Variants in GTF2F2 observed in about 807,000 individuals in gnomAD.
The protein encoded by GTF2F2 is general transcription factor IIF subunit 2, also known as ATP-dependent helicase GTF2F2.
In GTF2F2, 23 loss-of-function variants were observed where a neutral mutation model predicts 42.2. The observed-to-expected ratio is 0.55, with a 90% CI of 0.39 to 0.77. GTF2F2 has a LOEUF of 0.77. Among genes scored for constraint, GTF2F2 ranks in the 30% least tolerant of loss-of-function variants. The probability of loss-of-function intolerance (pLI) is 0.00; values close to 1 mark genes in which losing one functional copy is unlikely to be tolerated. For missense variants in GTF2F2, 261 were observed against 287.2 expected, an observed-to-expected ratio of 0.91 and a Z score of 0.66; for synonymous variants, 105 against 100.8, an observed-to-expected ratio of 1.04 and a Z score of -0.25.
At chr13:45,223,573 A>G (rs927024023) in intron 5 of GTF2F2, among the ~76,000 whole-genome samples, 2 of 152,176 alleles carry the variant, frequency 1.3e-5, no homozygotes, top group Admixed American at 6.6e-5. Context: ...TTATACTTCT[A>G]TTTGTGTTAT....
chr13:45,245,185 T>G (rs1875522571), intron 5 of GTF2F2, among the ~76,000 whole-genome samples: 1 of 152,212 alleles, frequency 6.6e-6, no homozygotes, highest in Admixed American at 6.5e-5. Flanking sequence ...AATTTTCAAG[T>G]AAAATGTGGT....
At chr13:45,145,901 C>G (rs1179251231) in intron 2 of GTF2F2, among the ~76,000 whole-genome samples, 1 of 152,292 alleles carries the variant, frequency 6.6e-6, no homozygotes, top group South Asian at 2.1e-4. Context: ...ATAGGAATGC[C>G]TCCTTACCCC....
intron 5 of GTF2F2, among the ~76,000 whole-genome samples, chr13:45,217,229 T>C (rs1047307992): frequency 7.1e-6 from 1 of 141,090 alleles, no homozygotes; most frequent in African/African-American, 2.7e-5. Context: ...ACCTGGGAGG[T>C]GGAGGTTACA....
At chr13:45,219,739 T>C (rs935673701) in intron 5 of GTF2F2, 1 of 152,200 alleles carries the variant, frequency 6.6e-6, no homozygotes, top group Non-Finnish European at 1.5e-5. Flanking sequence ...TTTGAAGATC[T>C]GCTAATCTAT....
At chr13:45,228,143 C>T (rs888352444) in intron 5 of GTF2F2, among the ~76,000 whole-genome samples, 7 of 147,214 alleles carry the variant, frequency 4.8e-5, no homozygotes, top group East Asian at 2.1e-4. Flanking sequence ...GGCATTTGTC[C>T]GCTTACCATG....
At position 45,280,306 on chromosome 13, in the gene GTF2F2, A is replaced by G. The variant is rs115737161; in HGVS notation, c.631-3136A>G. Among the ~76,000 whole-genome samples, 412 of 152,324 alleles carry G rather than the reference A, an allele frequency of 2.7e-3. 1 individual carries two copies. The highest frequency in any genetic ancestry group is 9.3e-3 in the African/African-American group (386 of 41,570). On this transcript the variant is annotated intron_variant, in intron 7 of 7. Transcript: ENST00000340473. ...GCCCAAACGGGGAAGTCATTAGAAT[A>G]TTTTAGACAGAGGAAGGACATGTGC...
intron 7 of GTF2F2, among the ~76,000 whole-genome samples, chr13:45,277,529 C>T (rs1026365855): frequency 1.3e-5 from 2 of 152,194 alleles, no homozygotes; most frequent in Non-Finnish European, 2.9e-5. Context: ...GCCTCACCTC[C>T]AACACTGGGG....
chr13:45,227,914 C>T (rs1342803103), intron 5 of GTF2F2, among the ~76,000 whole-genome samples: 1 of 152,082 alleles, frequency 6.6e-6, no homozygotes, highest in East Asian at 1.9e-4. Flanking sequence ...ATGAGTTTGC[C>T]ATACAAAGAA....
intron 4 of GTF2F2, among the ~76,000 whole-genome samples, chr13:45,191,254 TAG>T: frequency 7.3e-6 from 1 of 136,328 alleles, no homozygotes; most frequent in Non-Finnish European, 1.5e-5. Context: ...TATATATATA[TAG>T]CCATAATCTC....
intron 2 of GTF2F2, among the ~76,000 whole-genome samples, chr13:45,143,242 TTTATAGG>T (rs923184610): frequency 3.9e-5 from 6 of 152,238 alleles, no homozygotes; most frequent in South Asian, 4.1e-4. Context: ...AGTATGTAGG[TTTATAGG>T]TTATAGGTTA....
At chr13:45,262,727 A>G (rs1214878830) in intron 6 of GTF2F2, among the ~76,000 whole-genome samples, 1 of 151,342 alleles carries the variant, frequency 6.6e-6, no homozygotes, top group Non-Finnish European at 1.5e-5. Context: ...CCTAATCTTT[A>G]TTTTGTTATT....
intron 4 of GTF2F2, among the ~76,000 whole-genome samples, chr13:45,189,295 A>G (rs576311147): frequency 7.2e-5 from 11 of 151,980 alleles, no homozygotes; most frequent in South Asian, 2.1e-4. Flanking sequence ...TCTTTATCCA[A>G]TCTGTTATGA....
At chr13:45,131,478 C>G (rs1460743602) in intron 1 of GTF2F2, among the ~76,000 whole-genome samples, 1 of 152,120 alleles carries the variant, frequency 6.6e-6, no homozygotes, top group Non-Finnish European at 1.5e-5. Context: ...ATTTGGAGAT[C>G]CTAATAACCC....
intron 6 of GTF2F2, among the ~76,000 whole-genome samples, chr13:45,266,904 T>C (rs1354445310): frequency 2.0e-5 from 3 of 152,128 alleles, no homozygotes; most frequent in African/African-American, 7.2e-5. Context: ...TCCCGACACT[T>C]TGGGAGGCTG....
intron 4 of GTF2F2, among the ~76,000 whole-genome samples, chr13:45,202,006 T>C (rs753091649): frequency 5.7e-4 from 87 of 152,260 alleles, no homozygotes; most frequent in Non-Finnish European, 9.7e-4. Flanking sequence ...TCCTACCACC[T>C]TCAGTACTCT....
intron 4 of GTF2F2, among the ~76,000 whole-genome samples, chr13:45,164,209 A>G (rs1871161665): frequency 1.3e-5 from 2 of 151,866 alleles, no homozygotes; most frequent in African/African-American, 4.8e-5. Context: ...GAACCCAGGA[A>G]GTGGAGGTTG....
chr13:45,129,335 G>A (rs1161624624), intron 1 of GTF2F2, among the ~76,000 whole-genome samples: 3 of 152,008 alleles, frequency 2.0e-5, no homozygotes, highest in East Asian at 1.9e-4. Context: ...TCAGCCTCTC[G>A]AGTAGCTGGG....
At chr13:45,157,823 G>A (rs1012503904) in intron 4 of GTF2F2, among the ~76,000 whole-genome samples, 2 of 151,882 alleles carry the variant, frequency 1.3e-5, no homozygotes, top group Non-Finnish European at 2.9e-5. Flanking sequence ...GTGCAAAGCT[G>A]TCCACCTGCC....
At chr13:45,186,539 C>T (rs1415614213) in intron 4 of GTF2F2, among the ~76,000 whole-genome samples, 1 of 152,078 alleles carries the variant, frequency 6.6e-6, no homozygotes, top group African/African-American at 2.4e-5. Context: ...GATTCACCCG[C>T]CTCAGCCTCC....
Sources: gnomAD v4.1 joint callset for allele counts (sites outside exome capture counted in the v4.1 genomes callset) on GRCh38, gnomAD v4.1.1 for gene constraint, MANE v1.5 for transcripts, NCBI Gene and HGNC (gene_info 2026-07-23, HGNC 2026-07-21) for gene names.